Variants in CATSPERD observed in about 807,000 individuals in gnomAD.
CATSPERD encodes the protein cation channel sperm-associated auxiliary subunit delta.
Under a neutral mutation model 98.1 loss-of-function variants are expected in CATSPERD, and 86 were observed. That is an observed-to-expected ratio of 0.88 (90% confidence interval 0.74 to 1.05). The LOEUF (loss-of-function observed/expected upper bound fraction) is 1.05. CATSPERD is among the 50% of genes least tolerant of loss of function. The pLI, the probability that CATSPERD is intolerant of heterozygous loss-of-function variation, is 0.00. For missense variants in CATSPERD, 995 were observed against 1,005.7 expected (o/e 0.99, Z 0.14); for synonymous variants, 394 against 390.2 (o/e 1.01, Z -0.12).
intron 20 of CATSPERD, chr19:5,775,192 A>G: frequency 2.1e-6 from 1 of 469,814 alleles, no homozygotes; most frequent in East Asian, 7.0e-5. Context: ...TCGTTACAAG[A>G]CTGAAGGAAG....
intron 5 of CATSPERD, among the ~76,000 whole-genome samples, chr19:5,734,808 A>C (rs1441506125): frequency 1.3e-5 from 2 of 152,022 alleles, no homozygotes; most frequent in East Asian, 3.9e-4. Flanking sequence ...TCTAAAAAAA[A>C]AAAAAAATCG....
chr19:5,721,210 G>C (rs544020189), intron 1 of CATSPERD, among the ~76,000 whole-genome samples: 15 of 151,996 alleles, frequency 9.9e-5, no homozygotes, highest in Non-Finnish European at 1.9e-4. Context: ...CACCGTATTA[G>C]CCAGGATGGT....
At chr19:5,750,249 C>T (rs1377510445) in intron 11 of CATSPERD, among the ~76,000 whole-genome samples, 1 of 150,086 alleles carries the variant, frequency 6.7e-6, no homozygotes, top group East Asian at 2.0e-4. Flanking sequence ...GAGATCGTGA[C>T]CATCCTGGCT....
chr19:5,734,543 CAGG>C (rs1489410105), intron 5 of CATSPERD, among the ~76,000 whole-genome samples: 1 of 151,948 alleles, frequency 6.6e-6, no homozygotes, highest in Non-Finnish European at 1.5e-5. Context: ...GAGGCTGAGG[CAGG>C]AGAATCGCTT....
At chr19:5,722,944 T>G (rs2055523183) in intron 1 of CATSPERD, among the ~76,000 whole-genome samples, 1 of 151,960 alleles carries the variant, frequency 6.6e-6, no homozygotes, top group Admixed American at 6.6e-5. Flanking sequence ...ATCCCAGCAC[T>G]TTGGGAGGTG....
intron 1 of CATSPERD, among the ~76,000 whole-genome samples, chr19:5,721,985 G>GA (rs747988086): frequency 0.026 from 2,856 of 111,634 alleles, 68 homozygotes; most frequent in African/African-American, 0.077. Context: ...TGTCTCAAAG[G>GA]AAAAAAAAAA....
chr19:5,742,414 G>C (rs892670369), intron 7 of CATSPERD, among the ~76,000 whole-genome samples: 1 of 152,108 alleles, frequency 6.6e-6, no homozygotes, highest in African/African-American at 2.4e-5. Flanking sequence ...AAGAGGAGAG[G>C]TTACCGCAGA....
At chr19:5,755,333 G>GATTATACTCAGACTATTGAGT (rs1308623111) in intron 13 of CATSPERD, among the ~76,000 whole-genome samples, 1 of 151,952 alleles carries the variant, frequency 6.6e-6, no homozygotes, top group Non-Finnish European at 1.5e-5. Flanking sequence ...GCACAAAACC[G>GATTATACTCAGACTATTGAGT]ATTATACTCA....
intron 15 of CATSPERD, among the ~76,000 whole-genome samples, chr19:5,762,065 T>A (rs1474290535): frequency 8.2e-4 from 63 of 76,582 alleles, no homozygotes; most frequent in Admixed American, 1.7e-3. Flanking sequence ...TATATTTTTT[T>A]TTTTTTTTTT....
intron 4 of CATSPERD, among the ~76,000 whole-genome samples, chr19:5,731,357 G>A (rs1351227906): frequency 1.3e-5 from 2 of 151,626 alleles, no homozygotes; most frequent in African/African-American, 4.8e-5. Context: ...GTGTGGTGGT[G>A]CGTGCCTGTT....
At chr19:5,768,736 T>G (rs2056590967) in intron 18 of CATSPERD, among the ~76,000 whole-genome samples, 2 of 152,124 alleles carry the variant, frequency 1.3e-5, no homozygotes, top group Non-Finnish European at 1.5e-5. Context: ...TGGGCTCAAG[T>G]GATCCTCTTC....
rs1171732013 is a variant in CATSPERD at position 5,737,224 on chromosome 19, T to C, written c.459+19T>C. ...TTGTGTGGTAAGTATAAGTGTATAATTGTTCATTTTTTTTTGCTCTCCTCT... is the reference window on the plus strand; with the variant it reads ...TTGTGTGGTAAGTATAAGTGTATAACTGTTCATTTTTTTTTGCTCTCCTCT... On this transcript the variant is annotated intron_variant, in intron 6 of 21. Transcript: ENST00000381624. 1.9e-6 allele frequency: 3 copies of C among 1,560,848 alleles called. No individual in the cohort carries two copies. The highest frequency in any genetic ancestry group is 2.6e-6 in the Non-Finnish European group (3 of 1,133,268).
chr19:5,737,068 A>G (rs2055861527), intron 5 of CATSPERD, 70 bp from the exon 6 acceptor site: 1 of 1,105,850 alleles, frequency 9.0e-7, no homozygotes, highest in Non-Finnish European at 1.4e-6. Flanking sequence ...AAAACAAAAC[A>G]AAAAACAAAA....
intron 5 of CATSPERD, among the ~76,000 whole-genome samples, chr19:5,735,695 G>C (rs954557369): frequency 6.6e-6 from 1 of 151,310 alleles, no homozygotes. Flanking sequence ...GGATGATCTC[G>C]ATCTATTTAC....
At chr19:5,755,206 G>A (rs2056302014) in intron 13 of CATSPERD, among the ~76,000 whole-genome samples, 1 of 151,876 alleles carries the variant, frequency 6.6e-6, no homozygotes, top group South Asian at 2.1e-4. Context: ...TGACCCCTAT[G>A]GCCTTCCCCC....
intron 1 of CATSPERD, among the ~76,000 whole-genome samples, chr19:5,721,684 G>T (rs2055482179): frequency 6.6e-6 from 1 of 151,822 alleles, no homozygotes; most frequent in African/African-American, 2.4e-5. Flanking sequence ...ATTATTTTTT[G>T]TACAGATGGG....
At chr19:5,754,791 G>A (rs189691726) in intron 13 of CATSPERD, among the ~76,000 whole-genome samples, 1 of 151,848 alleles carries the variant, frequency 6.6e-6, no homozygotes, top group African/African-American at 2.4e-5. Context: ...CCCTTGTGCT[G>A]TCTCTGTGCC....
intron 16 of CATSPERD, among the ~76,000 whole-genome samples, chr19:5,764,497 T>C (rs1260915835): frequency 6.7e-6 from 1 of 150,308 alleles, no homozygotes; most frequent in African/African-American, 2.5e-5. Flanking sequence ...TTTTGTATTT[T>C]TAGTAGAGAC....
chr19:5,743,989 T>C (rs1335012951), intron 7 of CATSPERD, among the ~76,000 whole-genome samples: 1 of 152,166 alleles, frequency 6.6e-6, no homozygotes, highest in African/African-American at 2.4e-5. Context: ...TTCTTTTCTT[T>C]TCTTTTTTGA....
Sources: gnomAD v4.1 joint callset for allele counts (sites outside exome capture counted in the v4.1 genomes callset) on GRCh38, gnomAD v4.1.1 for gene constraint, MANE v1.5 for transcripts, NCBI Gene and HGNC (gene_info 2026-07-23, HGNC 2026-07-21) for gene names.